Variants in C1orf105 observed in about 807,000 individuals in gnomAD.
C1orf105 encodes uncharacterized protein C1orf105.
Under a neutral mutation model 20.8 loss-of-function variants are expected in C1orf105, and 17 were observed. The ratio of observed to expected loss-of-function variants is 0.82; its 90% CI spans 0.56 to 1.23. The LOEUF is 1.23. Among genes scored for constraint, C1orf105 ranks in the 50% most tolerant of loss-of-function variants. The pLI, the probability that C1orf105 is intolerant of heterozygous loss-of-function variation, is 0.00. For missense variants in C1orf105, 219 were observed against 213.5 expected, an observed-to-expected ratio of 1.03 and a Z score of -0.16; for synonymous variants, 72 against 72.1, an observed-to-expected ratio of 1.00 and a Z score of 0.01.
intron 1 of C1orf105, among the ~76,000 whole-genome samples, chr1:172,429,981 C>A (rs1409525738): frequency 6.6e-6 from 1 of 152,174 alleles, no homozygotes; most frequent in Non-Finnish European, 1.5e-5. Context: ...CCAGCCTTAC[C>A]TGTAACTTAG....
chr1:172,454,783 G>A (rs1649055087), intron 3 of C1orf105, among the ~76,000 whole-genome samples: 1 of 151,986 alleles, frequency 6.6e-6, no homozygotes, highest in South Asian at 2.1e-4. Flanking sequence ...CAGCTTCACT[G>A]GAGCCTCGAT....
chr1:172,440,993 T>C (rs1337104324), intron 1 of C1orf105, among the ~76,000 whole-genome samples: 1 of 152,208 alleles, frequency 6.6e-6, no homozygotes, highest in African/African-American at 2.4e-5. Flanking sequence ...ACCTGGCTTC[T>C]AAAGGCCTTC....
intron 1 of C1orf105, chr1:172,431,267 A>C (rs924500317): frequency 2.5e-5 from 11 of 441,400 alleles, no homozygotes; most frequent in Non-Finnish European, 4.4e-5. Flanking sequence ...GCAAATAAAA[A>C]GTTATTGAAG....
chr1:172,432,083 C>T (rs1442393688), intron 1 of C1orf105, among the ~76,000 whole-genome samples: 2 of 152,176 alleles, frequency 1.3e-5, no homozygotes, highest in East Asian at 1.9e-4. Context: ...ACAAAGCAGC[C>T]GGGAAGCTCA....
intron 2 of C1orf105, among the ~76,000 whole-genome samples, chr1:172,446,101 A>T (rs569612468): frequency 6.6e-6 from 1 of 152,190 alleles, no homozygotes; most frequent in Non-Finnish European, 1.5e-5. Flanking sequence ...TCTCATTCTC[A>T]GTAAATAGGT....
At chr1:172,436,815 T>A (rs929097700) in intron 1 of C1orf105, among the ~76,000 whole-genome samples, 3 of 152,082 alleles carry the variant, frequency 2.0e-5, no homozygotes, top group African/African-American at 7.2e-5. Context: ...ACCTACAGAA[T>A]GGGAGAAAAT....
intron 6 of C1orf105, 63 bp downstream of exon 6, chr1:172,465,426 CAGTCTAATCCCTAAAATA>C (rs1558146857): frequency 9.0e-7 from 1 of 1,116,548 alleles, no homozygotes; most frequent in Non-Finnish European, 1.4e-6. Context: ...CATAGAATGA[CAGTCTAATCCCTAAAATA>C]ATTTCTAAAT....
chr1:172,443,206 G>A (rs1251214512), intron 1 of C1orf105: 1 of 167,622 alleles, frequency 6.0e-6, no homozygotes, highest in Non-Finnish European at 1.5e-5. Flanking sequence ...TTATCCCAAA[G>A]CCTGTGTCTC....
intron 3 of C1orf105, chr1:172,452,714 G>A (rs1648789654): frequency 1.1e-6 from 1 of 918,578 alleles, no homozygotes; most frequent in Admixed American, 6.2e-5. Context: ...TTGGCTTCTG[G>A]GGACTGGCTG....
At chr1:172,455,462 C>G (rs1277218068) in intron 3 of C1orf105, among the ~76,000 whole-genome samples, 1 of 152,186 alleles carries the variant, frequency 6.6e-6, no homozygotes, top group African/African-American at 2.4e-5. Flanking sequence ...CTTTCCTCTT[C>G]CCCATATTCT....
chr1:172,437,963 C>G (rs759077104), intron 1 of C1orf105, among the ~76,000 whole-genome samples: 2 of 151,962 alleles, frequency 1.3e-5, no homozygotes, highest in Non-Finnish European at 2.9e-5. Flanking sequence ...GACTTGACAT[C>G]GATGCTCATT....
At chr1:172,428,077 A>G (rs150000299) in intron 1 of C1orf105, among the ~76,000 whole-genome samples, 1 of 152,256 alleles carries the variant, frequency 6.6e-6, no homozygotes, top group East Asian at 1.9e-4. Flanking sequence ...CAACATATCC[A>G]TATTTCAGTT....
intron 2 of C1orf105, among the ~76,000 whole-genome samples, chr1:172,445,862 G>A (rs1305828484): frequency 6.6e-6 from 1 of 152,112 alleles, no homozygotes; most frequent in Non-Finnish European, 1.5e-5. Context: ...AGGCATAGAG[G>A]CCATTCCAAA....
chr1:172,450,656 G>A (rs116699143), intron 3 of C1orf105, among the ~76,000 whole-genome samples: 2,365 of 152,322 alleles, frequency 0.016, 22 homozygotes, highest in Middle Eastern at 0.027. Context: ...ACCTGGCTGC[G>A]TTCCTCTTCA....
rs146108675 is a variant in C1orf105 at position 172,435,476 on chromosome 1, C to T, written c.22-9597C>T. Among the ~76,000 whole-genome samples, 215 of 152,262 alleles carry T rather than the reference C, an allele frequency of 1.4e-3. 1 individual carries two copies. Among genetic ancestry groups the T allele is most frequent in the African/African-American group, 5.1e-3 (212 of 41,536 alleles). On this transcript the variant is annotated intron_variant, in intron 1 of 6. Transcript: ENST00000367727. ...CAATAAACGTAATCCATCACATAAA[C>T]AGAACCAACAAAAAAAACCACAAAA...
intron 1 of C1orf105, chr1:172,428,807 A>T: frequency 1.4e-6 from 1 of 699,722 alleles, no homozygotes; most frequent in Non-Finnish European, 2.6e-6. Context: ...TATTCCAAGC[A>T]CACAGAACAG....
rs146481462 is a variant in C1orf105 at position 172,442,234 on chromosome 1, G to A, written c.22-2839G>A. The A allele has an allele frequency of 6.9e-5, 111 of 1,613,970 alleles. 1 individual carries two copies. In the African/African-American group the frequency reaches 1.3e-3, roughly 19 times the overall value. ...CTTCAGCACTGGTGAAAACCCATAA[G>A]TGAAAGTAATGAAGACTAGGGCACT... On this transcript the variant is annotated intron_variant, in intron 1 of 6. Transcript: ENST00000367727.
At chr1:172,438,569 T>A (rs2072116936) in intron 1 of C1orf105, among the ~76,000 whole-genome samples, 1 of 152,222 alleles carries the variant, frequency 6.6e-6, no homozygotes, top group Non-Finnish European at 1.5e-5. Flanking sequence ...AAAAGTGGTT[T>A]CCCAAAATGA....
chr1:172,435,635 TATC>T (rs1196201001), intron 1 of C1orf105, among the ~76,000 whole-genome samples: 2 of 152,136 alleles, frequency 1.3e-5, no homozygotes, highest in Non-Finnish European at 2.9e-5. Flanking sequence ...CCATAACCAA[TATC>T]ATACTGAATG....
Sources: allele counts gnomAD v4.1 joint callset (sites outside exome capture counted in the v4.1 genomes callset), GRCh38; gene constraint gnomAD v4.1.1; transcripts MANE v1.5; gene names NCBI Gene and HGNC (gene_info 2026-07-23, HGNC 2026-07-21).